Variants in IMPG1 observed in about 807,000 individuals in gnomAD.
IMPG1 encodes interphotoreceptor matrix proteoglycan of 150 kDa.
A neutral mutation model predicts 92.0 loss-of-function variants in IMPG1; 85 were observed. The ratio of observed to expected loss-of-function variants is 0.92; its 90% CI spans 0.78 to 1.11. IMPG1 has a LOEUF of 1.11. Among genes scored for constraint, IMPG1 ranks in the 50% least tolerant of loss-of-function variants. The probability of loss-of-function intolerance (pLI) is 0.00; values close to 1 mark genes in which losing one functional copy is unlikely to be tolerated. For missense variants in IMPG1, 1,022 were observed against 956.0 expected, an observed-to-expected ratio of 1.07 and a Z score of -0.91; for synonymous variants, 367 against 334.1, an observed-to-expected ratio of 1.10 and a Z score of -1.08.
At chr6:76,004,048 A>C in intron 10 of IMPG1, 98 bp from the exon 11 acceptor site, 1 of 804,580 alleles carries the variant, frequency 1.2e-6, no homozygotes, top group Non-Finnish European at 2.0e-6. Flanking sequence ...GGAATAACCA[A>C]TCCTTAAGGA....
intron 12 of IMPG1, among the ~76,000 whole-genome samples, chr6:75,994,879 T>C (rs1782870705): frequency 6.6e-6 from 1 of 152,166 alleles, no homozygotes; most frequent in Admixed American, 6.5e-5. Flanking sequence ...ACTGACCCTG[T>C]CAAAGACCTG....
At chr6:76,024,683 T>A (rs1783492070) in intron 5 of IMPG1, among the ~76,000 whole-genome samples, 1 of 152,200 alleles carries the variant, frequency 6.6e-6, no homozygotes, top group Non-Finnish European at 1.5e-5. Flanking sequence ...AATTAGTGAT[T>A]TGACAAAGAT....
At chr6:75,963,974 A>G (rs751562006) in intron 12 of IMPG1, among the ~76,000 whole-genome samples, 16 of 152,240 alleles carry the variant, frequency 1.1e-4, no homozygotes, top group Non-Finnish European at 1.9e-4. Flanking sequence ...TGTGTGAGGC[A>G]ATGGATAACA....
intron 1 of IMPG1, among the ~76,000 whole-genome samples, chr6:76,071,250 TTAAA>T (rs1315927889): frequency 6.7e-6 from 1 of 149,704 alleles, no homozygotes; most frequent in Non-Finnish European, 1.5e-5. Flanking sequence ...GAAAAAATCG[TTAAA>T]TTAACAGAAT....
rs148840963 is a variant in IMPG1, at chr6:76,034,999, CGTGT to C, written c.302-216_302-213del. On this transcript the variant is annotated intron_variant, in intron 2 of 16. Coordinates refer to ENST00000369950, the MANE Select transcript of IMPG1 (RefSeq NM_001563.4). ...GCAAGAAAATAGGGAATATTATGTG[CGTGT>C]GTGTGTGTGTGTGCGTGTGTGTGTG... 2.7e-5 allele frequency among the ~76,000 whole-genome samples: 4 copies of C among 149,970 alleles called. No individual in the cohort carries two copies. The East Asian group carries it at 7.8e-4, about 29-fold the overall frequency.
intron 1 of IMPG1, among the ~76,000 whole-genome samples, chr6:76,067,541 A>G (rs1784331492): frequency 6.6e-6 from 1 of 152,140 alleles, no homozygotes; most frequent in African/African-American, 2.4e-5. Flanking sequence ...TGAATCAGTA[A>G]TAAAAAAATC....
chr6:75,957,458 T>C (rs762710725), intron 12 of IMPG1, among the ~76,000 whole-genome samples: 1 of 152,202 alleles, frequency 6.6e-6, no homozygotes, highest in Non-Finnish European at 1.5e-5. Flanking sequence ...AAGTCCTGAA[T>C]AGCCTTGTTA....
chr6:75,957,607 A>T (rs1051256186), intron 12 of IMPG1, among the ~76,000 whole-genome samples: 1 of 152,174 alleles, frequency 6.6e-6, no homozygotes, highest in Non-Finnish European at 1.5e-5. Context: ...GGGTGCATAT[A>T]TATTTAGGAT....
chr6:75,970,823 T>C (rs1582075089), intron 12 of IMPG1, among the ~76,000 whole-genome samples: 1 of 152,336 alleles, frequency 6.6e-6, no homozygotes, highest in African/African-American at 2.4e-5. Context: ...CCAGCTCTGA[T>C]TTGCAAAGCA....
At chr6:76,020,524 A>T (rs975067667) in intron 6 of IMPG1, among the ~76,000 whole-genome samples, 11 of 152,074 alleles carry the variant, frequency 7.2e-5, no homozygotes, top group Admixed American at 5.9e-4. Flanking sequence ...TGTGCCTTGG[A>T]GAGAGGTTGT....
intron 12 of IMPG1, among the ~76,000 whole-genome samples, chr6:75,955,736 T>G (rs1328597479): frequency 2.0e-5 from 3 of 152,340 alleles, no homozygotes; most frequent in African/African-American, 7.2e-5. Flanking sequence ...GGCTGTGGGT[T>G]TGTCATTAAT....
intron 14 of IMPG1, among the ~76,000 whole-genome samples, chr6:75,944,336 G>A (rs998060309): frequency 3.3e-5 from 5 of 152,142 alleles, no homozygotes; most frequent in African/African-American, 9.7e-5. Context: ...TATGCATAGC[G>A]TAGTATAATT....
At chr6:75,938,339 G>C (rs150033990) in intron 14 of IMPG1, among the ~76,000 whole-genome samples, 2 of 152,272 alleles carry the variant, frequency 1.3e-5, no homozygotes, top group East Asian at 1.9e-4. Context: ...GTTCAAAAGT[G>C]GTTGTGGAAT....
chr6:75,934,459 G>C (rs567057745), intron 14 of IMPG1, among the ~76,000 whole-genome samples: 1 of 152,290 alleles, frequency 6.6e-6, no homozygotes, highest in Non-Finnish European at 1.5e-5. Context: ...GTACTGAAAA[G>C]CAATCCCAAT....
At chr6:76,007,317 A>T (rs1192337918) in intron 9 of IMPG1, among the ~76,000 whole-genome samples, 163 bp downstream of exon 9, 4 of 151,794 alleles carry the variant, frequency 2.6e-5, no homozygotes, top group Non-Finnish European at 4.4e-5. Flanking sequence ...TTTTTTTTTA[A>T]CTACTGGACA....
At position 75,923,658 on chromosome 6, in the gene IMPG1, CT is replaced by C; in HGVS notation, c.2291del (p.Lys764SerfsTer10). On this transcript the variant is annotated frameshift_variant, in exon 16 of 17. Transcript: ENST00000369950. LOFTEE classifies it high-confidence loss of function. ...CCTTGTTATTTTGTTGATTTTGGAA[CT>C]TTTTAACACTAGTTTTGTATGCTTG... ...ENQAYKTSVK[K>X]FQNQQNNKVI... The C allele has an allele frequency of 6.3e-7, 1 of 1,587,796 alleles. No homozygotes were observed. Among genetic ancestry groups the C allele is most frequent in the Non-Finnish European group, 8.6e-7 (1 of 1,157,922 alleles).
At chr6:76,003,199 C>T (rs1381393930) in intron 11 of IMPG1, among the ~76,000 whole-genome samples, 1 of 152,118 alleles carries the variant, frequency 6.6e-6, no homozygotes, top group Admixed American at 6.6e-5. Context: ...AAAATAAGAT[C>T]TATTGCTTCT....
intron 12 of IMPG1, among the ~76,000 whole-genome samples, chr6:75,981,063 G>T (rs1270423378): frequency 6.6e-6 from 1 of 152,192 alleles, no homozygotes; most frequent in East Asian, 1.9e-4. Context: ...TAGTGATGAA[G>T]CACTGCGATG....
chr6:76,026,452 C>T (rs1255853055), intron 4 of IMPG1, among the ~76,000 whole-genome samples: 3 of 152,202 alleles, frequency 2.0e-5, no homozygotes, highest in African/African-American at 4.8e-5. Context: ...TTTCATGGCC[C>T]TTTCCTTCCA....
Sources: allele counts gnomAD v4.1 joint callset (sites outside exome capture counted in the v4.1 genomes callset), GRCh38; gene constraint gnomAD v4.1.1; transcripts MANE v1.5; gene names NCBI Gene and HGNC (gene_info 2026-07-23, HGNC 2026-07-21).